The following SEMA5A variants were observed in gnomAD, a reference collection of about 807,000 sequenced individuals.
SEMA5A encodes semaphorin-5A.
SEMA5A carries 55 observed loss-of-function variants against 135.5 expected under a neutral mutation model. The observed-to-expected ratio is 0.41, with a 90% CI of 0.33 to 0.51. The LOEUF is 0.51. Among genes scored for constraint, SEMA5A ranks in the 20% least tolerant of loss-of-function variants. SEMA5A has a pLI of 0.37. For missense variants in SEMA5A, 1,290 were observed against 1,419.9 expected (o/e 0.91, Z 1.47); for synonymous variants, 580 against 546.5 (o/e 1.06, Z -0.85).
chr5:9,399,382 C>A (rs945737999), intron 2 of SEMA5A, among the ~76,000 whole-genome samples: 2 of 152,028 alleles, frequency 1.3e-5, no homozygotes, highest in Non-Finnish European at 2.9e-5. Context: ...ACACATTTTA[C>A]GATTCCATGT....
chr5:9,334,238 A>AT (rs1753281737), intron 4 of SEMA5A, among the ~76,000 whole-genome samples: 2 of 152,154 alleles, frequency 1.3e-5, no homozygotes, highest in South Asian at 2.1e-4. Context: ...CTATTATTCT[A>AT]TTTTTTCACA....
chr5:9,471,142 A>T (rs755913465), intron 1 of SEMA5A, among the ~76,000 whole-genome samples: 1 of 152,144 alleles, frequency 6.6e-6, no homozygotes, highest in Non-Finnish European at 1.5e-5. Context: ...ATAGAGTCTA[A>T]TTTAGGAACC....
chr5:9,395,317 T>C (rs1205749959), intron 2 of SEMA5A, among the ~76,000 whole-genome samples: 1 of 152,178 alleles, frequency 6.6e-6, no homozygotes, highest in Non-Finnish European at 1.5e-5. Context: ...GCAGAGGTCT[T>C]CTTTCCATAA....
chr5:9,292,532 A>G (rs1314477981), intron 5 of SEMA5A, among the ~76,000 whole-genome samples: 1 of 152,236 alleles, frequency 6.6e-6, no homozygotes, highest in Non-Finnish European at 1.5e-5. Flanking sequence ...TTAGGATGTC[A>G]GGTAAATAAA....
At chr5:9,397,738 G>A (rs788469) in intron 2 of SEMA5A, among the ~76,000 whole-genome samples, 63,352 of 152,040 alleles carry the variant, frequency 0.42, 13,750 homozygotes, top group East Asian at 0.54. Flanking sequence ...GAGCTTAAGC[G>A]CTGTCTCTAA....
chr5:9,210,259 T>C (rs755047488), intron 8 of SEMA5A, among the ~76,000 whole-genome samples: 1 of 152,214 alleles, frequency 6.6e-6, no homozygotes, highest in Non-Finnish European at 1.5e-5. Context: ...CTTCCTCACA[T>C]GACTGGAGAG....
chr5:9,061,259 C>T (rs940103582), intron 18 of SEMA5A, among the ~76,000 whole-genome samples: 2 of 152,078 alleles, frequency 1.3e-5, no homozygotes, highest in African/African-American at 4.8e-5. Context: ...AGTGCACAGT[C>T]GGTTACTCAA....
intron 2 of SEMA5A, among the ~76,000 whole-genome samples, chr5:9,425,689 G>A (rs111405940): frequency 1.3e-3 from 205 of 152,310 alleles, no homozygotes; most frequent in Non-Finnish European, 2.5e-3. Flanking sequence ...CAAAATATTT[G>A]CTAGCTCAGT....
At chr5:9,544,484 TC>T (rs989224948) in intron 1 of SEMA5A, among the ~76,000 whole-genome samples, 4 of 151,990 alleles carry the variant, frequency 2.6e-5, no homozygotes. Flanking sequence ...GGCTGACAGC[TC>T]TCTATAGCCA....
At chr5:9,400,501 A>T (rs9885406) in intron 2 of SEMA5A, among the ~76,000 whole-genome samples, 4,562 of 86,966 alleles carry the variant, frequency 0.052, 388 homozygotes, top group Middle Eastern at 0.098. Context: ...CACAATGTAC[A>T]TTTTTTTTTT....
At chr5:9,210,392 G>T (rs1479652) in intron 8 of SEMA5A, among the ~76,000 whole-genome samples, 1 of 152,024 alleles carries the variant, frequency 6.6e-6, no homozygotes, top group Non-Finnish European at 1.5e-5. Context: ...TACCCATAAA[G>T]GTCTGCATTA....
At chr5:9,501,361 G>A (rs746558997) in intron 1 of SEMA5A, among the ~76,000 whole-genome samples, 7 of 152,170 alleles carry the variant, frequency 4.6e-5, no homozygotes, top group East Asian at 1.9e-4. Flanking sequence ...AAAGATAAGT[G>A]TCAACATATA....
intron 3 of SEMA5A, among the ~76,000 whole-genome samples, chr5:9,365,747 G>A (rs1251707987): frequency 6.6e-6 from 1 of 152,158 alleles, no homozygotes; most frequent in African/African-American, 2.4e-5. Context: ...ATGGCTTCAT[G>A]TAAGATTTGG....
intron 15 of SEMA5A, 105 bp from the exon 16 acceptor site, chr5:9,108,392 C>T (rs1349189003): frequency 1.5e-5 from 20 of 1,340,586 alleles, no homozygotes; most frequent in African/African-American, 2.9e-5. Context: ...CATGGGCATG[C>T]TCTGCGTGGA....
At chr5:9,467,855 C>G (rs1250596178) in intron 1 of SEMA5A, among the ~76,000 whole-genome samples, 1 of 152,246 alleles carries the variant, frequency 6.6e-6, no homozygotes. Context: ...TAAGGAAACA[C>G]TGCAGATGAA....
chr5:9,196,126 G>A (rs773875768), intron 10 of SEMA5A, among the ~76,000 whole-genome samples: 22 of 152,244 alleles, frequency 1.4e-4, no homozygotes, highest in Non-Finnish European at 3.1e-4. Flanking sequence ...TGACAGCTGT[G>A]ATAATGATGA....
chr5:9,075,556 C>CA (rs11377429), intron 16 of SEMA5A, among the ~76,000 whole-genome samples: 135,183 of 146,244 alleles, frequency 0.92, 62,985 homozygotes, highest in Non-Finnish European at 0.99. Context: ...AAAAAGCCAG[C>CA]AAAAAAAAAA....
At chr5:9,330,267 G>T (rs953429372) in intron 4 of SEMA5A, among the ~76,000 whole-genome samples, 2 of 151,998 alleles carry the variant, frequency 1.3e-5, no homozygotes, top group Non-Finnish European at 2.9e-5. Flanking sequence ...GCGGGCGCCT[G>T]TAGTCCCAGC....
chr5:9,059,482 T>C (rs1561111816), intron 18 of SEMA5A, among the ~76,000 whole-genome samples: 1 of 152,278 alleles, frequency 6.6e-6, no homozygotes, highest in Non-Finnish European at 1.5e-5. Flanking sequence ...AGTTTATTTA[T>C]ACACATCAGT....
Sources: gnomAD v4.1 joint callset for allele counts (sites outside exome capture counted in the v4.1 genomes callset) on GRCh38, gnomAD v4.1.1 for gene constraint, MANE v1.5 for transcripts, NCBI Gene and HGNC (gene_info 2026-07-23, HGNC 2026-07-21) for gene names.